Variants in VPS54 observed in about 807,000 individuals in gnomAD.
VPS54 encodes VPS54 subunit of GARP complex.
In VPS54, 45 loss-of-function variants were observed where a neutral mutation model predicts 121.5. The observed-to-expected ratio is 0.37, with a 90% CI of 0.29 to 0.47. VPS54 has a LOEUF of 0.47. Among genes scored for constraint, VPS54 ranks in the 20% least tolerant of loss-of-function variants. The pLI is 0.99. For missense variants in VPS54, 1,090 were observed against 1,131.4 expected, an observed-to-expected ratio of 0.96 and a Z score of 0.52; for synonymous variants, 371 against 385.8, an observed-to-expected ratio of 0.96 and a Z score of 0.45.
At chr2:63,972,265 A>G in intron 3 of VPS54, 21 bp from the exon 4 acceptor site, 4 of 1,526,124 alleles carry the variant, frequency 2.6e-6, no homozygotes, top group Non-Finnish European at 3.6e-6. Flanking sequence ...GACAAATAAC[A>G]TCATCAATGT....
Position 64,019,037 on chromosome 2 carries a change from C to T in VPS54, c.-120G>A, listed in dbSNP as rs1576033315. 6.6e-6 allele frequency: 1 copy of T among 150,930 alleles called. No individual in the cohort carries two copies. Among genetic ancestry groups the T allele is most frequent in the Non-Finnish European group, 1.5e-5 (1 of 67,564 alleles). 9.3% of individuals were successfully genotyped at this position (150,930 alleles called of 1,614,324 possible). On this transcript the variant is annotated 5_prime_UTR_variant, in exon 1 of 23. Transcript: ENST00000272322. ...GAGGCTGCTGCTCCACGGCCGCCGC[C>T]GCCCGGCGCCCGGCCGGGCCCGAGC...
chr2:63,995,459 T>C (rs1677536637), intron 1 of VPS54, among the ~76,000 whole-genome samples: 1 of 152,252 alleles, frequency 6.6e-6, no homozygotes, highest in Non-Finnish European at 1.5e-5. Flanking sequence ...TACAGCGAAT[T>C]CTTTAAAGAT....
chr2:63,988,049 T>C (rs1395747634), intron 1 of VPS54, among the ~76,000 whole-genome samples: 1 of 152,228 alleles, frequency 6.6e-6, no homozygotes, highest in Non-Finnish European at 1.5e-5. Context: ...GGACTTCCAA[T>C]ACTACGTTGA....
At chr2:63,941,257 C>T (rs1270716296) in intron 11 of VPS54, among the ~76,000 whole-genome samples, 2 of 151,904 alleles carry the variant, frequency 1.3e-5, no homozygotes, top group Admixed American at 6.6e-5. Flanking sequence ...TGGAGTCTTG[C>T]TCTGTTGGCC....
In VPS54 at chr2:63,990,356, G is replaced by T. The variant is rs36123537; in HGVS notation, c.-20-6337C>A. ...ACTCAGACAGCCCGGGACCATATAC[G>T]CTAATTCTTCTCTCTTCAAACCTCC... On this transcript the variant is annotated intron_variant, in intron 1 of 22. Transcript: ENST00000272322. Among the ~76,000 whole-genome samples the T allele has an allele frequency of 3.3e-5, 5 of 152,054 alleles. No homozygotes were observed. The South Asian group carries it at 1.0e-3, about 32-fold the overall frequency.
intron 1 of VPS54, among the ~76,000 whole-genome samples, chr2:63,996,566 G>A (rs533173956): frequency 2.1e-4 from 32 of 152,328 alleles, no homozygotes; most frequent in Middle Eastern, 3.4e-3. Context: ...TGGAAGCCAC[G>A]CAGGACAGAG....
chr2:63,920,439 A>T lies in VPS54; in HGVS notation c.2051+7T>A. 3 of 1,501,866 alleles carry T rather than the reference A, an allele frequency of 2.0e-6. No homozygotes were observed. Among genetic ancestry groups the T allele is most frequent in the Non-Finnish European group, 2.7e-6 (3 of 1,127,870 alleles). The allele number at this position is 1,501,866 out of a possible 1,614,324, so 93.0% of individuals were successfully genotyped here. A position where few individuals can be genotyped will look rare whatever the true frequency, so the allele number is the denominator to read the frequency against. ...ATCAAACAACAGAATGGACATGGTG[A>T]TGATACCTGAGCTTGGTTTTTCTCT... is the stretch of plus-strand genomic sequence containing the variant. On this transcript the variant is annotated splice_region_variant and intron_variant, in intron 14 of 22. Coordinates refer to ENST00000272322, the MANE Select transcript of VPS54 (RefSeq NM_016516.3).
At chr2:64,018,584 G>A (rs1479432845) in intron 1 of VPS54, among the ~76,000 whole-genome samples, 1 of 151,938 alleles carries the variant, frequency 6.6e-6, no homozygotes, top group African/African-American at 2.4e-5. Context: ...GGCCTGGCTG[G>A]AAAAAGAAAA....
intron 9 of VPS54, among the ~76,000 whole-genome samples, chr2:63,947,039 T>G (rs1177095993): frequency 6.6e-6 from 1 of 151,828 alleles, no homozygotes; most frequent in African/African-American, 2.4e-5. Flanking sequence ...TTAAGTAGAT[T>G]TAACATAATG....
Position 63,981,841 on chromosome 2 carries a change from T to C in VPS54, c.183A>G (p.Gln61=), listed in dbSNP as rs1297139655. 22 of 1,613,442 alleles carry C rather than the reference T, an allele frequency of 1.4e-5. No homozygotes were observed. Among genetic ancestry groups the C allele is most frequent in the East Asian group, 2.2e-5 (1 of 44,826 alleles). The change falls in exon 3 of 23, where the codon CAA becomes CAG. Residue 61 remains glutamine, a synonymous_variant. Transcript: ENST00000272322. The stretch of plus-strand genomic sequence containing the variant: ...TGGAATGATATACAGTCCATCTATG[T>C]TGATCTGTAACTAGAGATGGGGCAA... ...LYVAPSLVTD[Q]HRWTVYHSKV...
intron 5 of VPS54, 71 bp downstream of exon 5, chr2:63,968,886 A>C: frequency 7.3e-7 from 1 of 1,363,704 alleles, no homozygotes. Context: ...AAGCCAAATG[A>C]AATCTGCTTG....
intron 11 of VPS54, among the ~76,000 whole-genome samples, chr2:63,941,812 T>C (rs564286486): frequency 2.0e-5 from 3 of 152,066 alleles, no homozygotes; most frequent in African/African-American, 7.2e-5. Context: ...GGCGGGCAGA[T>C]CACTTGAGGT....
At chr2:63,932,557 G>C (rs1674260820) in intron 12 of VPS54, among the ~76,000 whole-genome samples, 1 of 151,854 alleles carries the variant, frequency 6.6e-6, no homozygotes, top group African/African-American at 2.4e-5. Context: ...CCTAATGTAG[G>C]TGATGGGCTG....
chr2:63,961,974 A>G, intron 7 of VPS54, 84 bp downstream of exon 7: 1 of 1,354,248 alleles, frequency 7.4e-7, no homozygotes, highest in Non-Finnish European at 9.9e-7. Context: ...CTTTGAATAT[A>G]TTCACACTTT....
At chr2:63,972,662 G>A (rs1168404229) in intron 3 of VPS54, among the ~76,000 whole-genome samples, 1 of 152,060 alleles carries the variant, frequency 6.6e-6, no homozygotes, top group Non-Finnish European at 1.5e-5. Context: ...AAGGCGGGCC[G>A]ATCACCTGAA....
At chr2:63,948,928 G>T in intron 8 of VPS54, 109 bp downstream of exon 8, 1 of 1,362,252 alleles carries the variant, frequency 7.3e-7, no homozygotes, top group Non-Finnish European at 9.9e-7. Flanking sequence ...AGGTCTGATA[G>T]CCCTTGAAAT....
intron 7 of VPS54, among the ~76,000 whole-genome samples, chr2:63,951,703 C>A (rs888958101): frequency 1.3e-5 from 2 of 151,958 alleles, no homozygotes; most frequent in African/African-American, 4.8e-5. Context: ...AGACTAGTAC[C>A]TACATATATT....
chr2:63,961,662 T>C (rs1040568169), intron 7 of VPS54, among the ~76,000 whole-genome samples: 8 of 152,238 alleles, frequency 5.3e-5, no homozygotes, highest in African/African-American at 1.9e-4. Flanking sequence ...CAGAAATGAA[T>C]TTTAATAATT....
At chr2:64,004,873 G>T (rs192074365) in intron 1 of VPS54, among the ~76,000 whole-genome samples, 1 of 152,110 alleles carries the variant, frequency 6.6e-6, no homozygotes, top group East Asian at 1.9e-4. Context: ...CAACCTCCTG[G>T]GTGCAAGCGA....
Sources: allele counts gnomAD v4.1 joint callset (sites outside exome capture counted in the v4.1 genomes callset), GRCh38; gene constraint gnomAD v4.1.1; transcripts MANE v1.5; gene names NCBI Gene and HGNC (gene_info 2026-07-23, HGNC 2026-07-21).